Variants in TMEM135 observed in about 807,000 individuals in gnomAD.
TMEM135 encodes transmembrane protein 135, also known as peroxisomal membrane protein 52.
Under a neutral mutation model 60.3 loss-of-function variants are expected in TMEM135, and 30 were observed. That is an observed-to-expected ratio of 0.50 (90% CI 0.37 to 0.68). The LOEUF is 0.68. TMEM135 is among the 30% of genes least tolerant of loss of function. The probability of loss-of-function intolerance (pLI) is 0.00; values close to 1 mark genes in which losing one functional copy is unlikely to be tolerated. For missense variants in TMEM135, 468 were observed against 548.8 expected, an observed-to-expected ratio of 0.85 and a Z score of 1.47; for synonymous variants, 190 against 186.7, an observed-to-expected ratio of 1.02 and a Z score of -0.14.
rs10671410 is a variant in TMEM135 at position 87,138,088 on chromosome 11, CT to C, written c.397-19238del. On this transcript the variant is annotated intron_variant, in intron 4 of 14. Coordinates refer to ENST00000305494, the MANE Select transcript of TMEM135 (RefSeq NM_022918.4). ...ATGTTTAAAAAGACCAAGTTGATTT[CT>C]TTTTTTTTTTTTTTCCTTTTAGACT... Among the ~76,000 whole-genome samples, 262 of 137,808 alleles carry C rather than the reference CT, an allele frequency of 1.9e-3. 2 individuals are homozygous for C. In the South Asian group the frequency reaches 0.02, roughly 10 times the overall value. The allele number at this position is 137,808 out of a possible 152,430, so 90.4% of individuals were successfully genotyped here. A position where few individuals can be genotyped will look rare whatever the true frequency, so the allele number is the denominator to read the frequency against.
At chr11:87,039,595 CTTG>C (rs1275072119) in intron 1 of TMEM135, among the ~76,000 whole-genome samples, 7 of 152,180 alleles carry the variant, frequency 4.6e-5, no homozygotes, top group Non-Finnish European at 7.3e-5. Context: ...GATACAGGGC[CTTG>C]TTGTATTGCC....
chr11:87,265,378 A>T (rs929137973), intron 6 of TMEM135, among the ~76,000 whole-genome samples: 1 of 151,924 alleles, frequency 6.6e-6, no homozygotes, highest in Admixed American at 6.6e-5. Context: ...AGAATACTGG[A>T]CTCTTTTCAT....
chr11:87,221,842 T>C (rs1462211135), intron 5 of TMEM135, among the ~76,000 whole-genome samples: 2 of 152,188 alleles, frequency 1.3e-5, no homozygotes, highest in Non-Finnish European at 2.9e-5. Flanking sequence ...TGCTCTAGAC[T>C]CACTGGATAT....
intron 5 of TMEM135, among the ~76,000 whole-genome samples, chr11:87,214,462 A>C (rs922432874): frequency 2.6e-5 from 4 of 152,158 alleles, no homozygotes. Context: ...GAAGACCTGT[A>C]TTGGGAAGTT....
At chr11:87,212,847 A>T (rs2135345111) in intron 5 of TMEM135, among the ~76,000 whole-genome samples, 1 of 151,530 alleles carries the variant, frequency 6.6e-6, no homozygotes, top group South Asian at 2.1e-4. Flanking sequence ...AAAAAAGAAT[A>T]CAAATATTGT....
intron 5 of TMEM135, among the ~76,000 whole-genome samples, chr11:87,196,477 G>A (rs996407535): frequency 2.0e-5 from 3 of 152,120 alleles, no homozygotes; most frequent in Non-Finnish European, 4.4e-5. Context: ...GTTTATTTTA[G>A]GATATGCAAA....
chr11:87,321,504 GA>G lies in TMEM135; in HGVS notation c.*172del. ...CAGAAATTCAGAAGCTTTTTAGGAA[GA>G]TGTTGCTTAATAATTAAGCTTCCTC... On this transcript the variant is annotated 3_prime_UTR_variant, in exon 15 of 15. Coordinates refer to ENST00000305494, the MANE Select transcript of TMEM135 (RefSeq NM_022918.4). The G allele has an allele frequency of 1.3e-6, 1 of 773,312 alleles. No individual in the cohort carries two copies. Among genetic ancestry groups the G allele is most frequent in the South Asian group, 1.5e-5 (1 of 68,442 alleles). 47.9% of individuals were successfully genotyped at this position (773,312 alleles called of 1,614,324 possible).
chr11:87,205,762 TTTAAG>T (rs1205827188), intron 5 of TMEM135, among the ~76,000 whole-genome samples: 3 of 152,174 alleles, frequency 2.0e-5, no homozygotes, highest in Non-Finnish European at 2.9e-5. Flanking sequence ...AATATAATAT[TTTAAG>T]TTAAGTTTCG....
intron 9 of TMEM135, among the ~76,000 whole-genome samples, chr11:87,308,450 T>C (rs938990251): frequency 2.0e-5 from 3 of 152,196 alleles, no homozygotes; most frequent in Admixed American, 6.5e-5. Flanking sequence ...TGTGTTTTAA[T>C]AAGGCATTAG....
At chr11:87,248,908 A>G (rs1351531384) in intron 6 of TMEM135, among the ~76,000 whole-genome samples, 2 of 152,100 alleles carry the variant, frequency 1.3e-5, no homozygotes, top group African/African-American at 2.4e-5. Context: ...ATTTTTCAGA[A>G]TGTTCATTGT....
intron 1 of TMEM135, among the ~76,000 whole-genome samples, chr11:87,043,691 C>T (rs1275324438): frequency 6.6e-6 from 1 of 151,946 alleles, no homozygotes; most frequent in Non-Finnish European, 1.5e-5. Flanking sequence ...CCACTGCACT[C>T]CAGCCTGGCA....
At chr11:87,319,472 A>C (rs1249446269) in intron 14 of TMEM135, 95 bp downstream of exon 14, 3 of 879,540 alleles carry the variant, frequency 3.4e-6, no homozygotes, top group Non-Finnish European at 5.4e-6. Flanking sequence ...TTTATATATA[A>C]ATAAAATATG....
chr11:87,105,040 G>A (rs1211219545), intron 4 of TMEM135, among the ~76,000 whole-genome samples: 3 of 152,178 alleles, frequency 2.0e-5, no homozygotes, highest in Non-Finnish European at 4.4e-5. Flanking sequence ...TGAGTATGAT[G>A]TTAGCCGTGG....
intron 1 of TMEM135, among the ~76,000 whole-genome samples, chr11:87,040,159 G>A (rs1179512627): frequency 6.6e-6 from 1 of 152,174 alleles, no homozygotes; most frequent in Non-Finnish European, 1.5e-5. Context: ...TAGTGAAATG[G>A]AAGAAAATAA....
Position 87,321,890 on chromosome 11 carries a change from A to T in TMEM135, c.*557A>T, listed in dbSNP as rs1392889061. ...TTTAATTGGAGAAGTGGCCATTCTT[A>T]CTTCAGGGATGCAAAGATGGGTCTC... On this transcript the variant is annotated 3_prime_UTR_variant, in exon 15 of 15. Coordinates refer to ENST00000305494, the MANE Select transcript of TMEM135 (RefSeq NM_022918.4). The T allele has an allele frequency of 2.2e-6, 1 of 454,276 alleles. No individual in the cohort carries two copies. The highest frequency in any genetic ancestry group is 4.4e-6 in the Non-Finnish European group (1 of 226,760). 28.1% of individuals were successfully genotyped at this position (454,276 alleles called of 1,614,324 possible).
chr11:87,303,963 A>G (rs931038335), intron 8 of TMEM135, among the ~76,000 whole-genome samples: 1 of 152,196 alleles, frequency 6.6e-6, no homozygotes, highest in African/African-American at 2.4e-5. Context: ...AATACTACAG[A>G]AGCAAAGCAA....
chr11:87,054,375 G>T (rs1239751606), intron 1 of TMEM135, among the ~76,000 whole-genome samples: 2 of 152,100 alleles, frequency 1.3e-5, no homozygotes, highest in African/African-American at 4.8e-5. Context: ...CAGAGGTTGC[G>T]ATGAGCCTAG....
intron 3 of TMEM135, among the ~76,000 whole-genome samples, chr11:87,076,087 C>G (rs180824099): frequency 6.6e-6 from 1 of 152,302 alleles, no homozygotes; most frequent in East Asian, 1.9e-4. Flanking sequence ...CTATAATCAA[C>G]AGGTGGCAAA....
intron 6 of TMEM135, among the ~76,000 whole-genome samples, chr11:87,245,663 A>G (rs1941251958): frequency 7.4e-6 from 1 of 134,958 alleles, no homozygotes. Flanking sequence ...ATCAGAGACT[A>G]GGATTGCAAC....
Sources: allele counts gnomAD v4.1 joint callset (sites outside exome capture counted in the v4.1 genomes callset), GRCh38; gene constraint gnomAD v4.1.1; transcripts MANE v1.5; gene names NCBI Gene and HGNC (gene_info 2026-07-23, HGNC 2026-07-21).